AVEN: variants seen among roughly 807,000 people sequenced by gnomAD.
The protein encoded by AVEN is cell death regulator Aven.
AVEN carries 41 observed loss-of-function variants against 38.1 expected under a neutral mutation model. The observed-to-expected ratio is 1.08, with a 90% confidence interval of 0.84 to 1.40. The LOEUF (loss-of-function observed/expected upper bound fraction) is 1.40, where lower values mean the gene tolerates loss of function less well. Among genes scored for constraint, AVEN ranks in the 40% most tolerant of loss-of-function variants. The pLI is 0.00. For missense variants in AVEN, 605 were observed against 438.8 expected, an observed-to-expected ratio of 1.38 and a Z score of -3.38; for synonymous variants, 206 against 171.8, an observed-to-expected ratio of 1.20 and a Z score of -1.56.
chr15:33,981,549 T>C (rs956284549), intron 2 of AVEN, among the ~76,000 whole-genome samples: 5 of 152,188 alleles, frequency 3.3e-5, no homozygotes, highest in African/African-American at 1.2e-4. Context: ...GCTCATTTTC[T>C]ATACAATACA....
chr15:33,883,979 G>C (rs1891597025), intron 2 of AVEN, among the ~76,000 whole-genome samples: 1 of 152,082 alleles, frequency 6.6e-6, no homozygotes, highest in African/African-American at 2.4e-5. Flanking sequence ...CCATTTAATG[G>C]CTAGACACCT....
chr15:34,007,571 T>A (rs935144196), intron 1 of AVEN, among the ~76,000 whole-genome samples: 2 of 152,178 alleles, frequency 1.3e-5, no homozygotes, highest in Non-Finnish European at 2.9e-5. Context: ...GCTGCTTCTA[T>A]CATGCACCTT....
intron 2 of AVEN, among the ~76,000 whole-genome samples, chr15:33,905,219 C>CA (rs71117198): frequency 0.87 from 131,267 of 150,360 alleles, 58,892 homozygotes; most frequent in Non-Finnish European, 0.98. Flanking sequence ...AACAAACAAA[C>CA]AAAAAAACCC....
At chr15:33,914,619 T>C (rs1433891454) in intron 2 of AVEN, among the ~76,000 whole-genome samples, 4 of 149,746 alleles carry the variant, frequency 2.7e-5, no homozygotes, top group East Asian at 1.9e-4. Flanking sequence ...AGTTATAGGA[T>C]TGAACACACA....
At chr15:34,009,929 T>C (rs1469879942) in intron 1 of AVEN, among the ~76,000 whole-genome samples, 3 of 152,074 alleles carry the variant, frequency 2.0e-5, no homozygotes, top group African/African-American at 7.2e-5. Flanking sequence ...GACACTGTAC[T>C]CCAGCCTGGG....
chr15:33,890,085 T>TA (rs1891872172), intron 2 of AVEN, among the ~76,000 whole-genome samples: 1 of 152,246 alleles, frequency 6.6e-6, no homozygotes, highest in African/African-American at 2.4e-5. Context: ...GCATCACTGA[T>TA]AGTGTCTAGG....
chr15:34,038,788 T>G lies in AVEN; in HGVS notation c.259A>C (p.Ser87Arg). The change falls in exon 1 of 6, where the codon AGC (serine) becomes CGC (arginine). Residue 87 changes from serine to arginine, a missense_variant. Physicochemically the swap from Ser to Arg is moderately radical, Grantham distance 110. Coordinates refer to ENST00000306730, the MANE Select transcript of AVEN (RefSeq NM_020371.3). ...REPGGWGAGA[S>R]APVEDDSDAE... ...CAGCCGTCGCCTCTTACCGGCGCGCTGGCCCCTGCGCCCCAGCCTCCCGGC... is the reference window on the plus strand; with the variant it reads ...CAGCCGTCGCCTCTTACCGGCGCGCGGGCCCCTGCGCCCCAGCCTCCCGGC... The G allele has an allele frequency of 8.5e-7, 1 of 1,181,808 alleles. No individual in the cohort carries two copies. Among genetic ancestry groups the G allele is most frequent in the Non-Finnish European group, 1.0e-6 (1 of 956,194 alleles). 73.2% of individuals were successfully genotyped at this position (1,181,808 alleles called of 1,614,324 possible).
chr15:33,860,822 G>C (rs1291952959), intron 11 of AVEN, among the ~76,000 whole-genome samples: 2 of 150,874 alleles, frequency 1.3e-5, no homozygotes, highest in Non-Finnish European at 2.9e-5. Flanking sequence ...CCCCTGCCAG[G>C]CCGGCCACTC....
intron 2 of AVEN, among the ~76,000 whole-genome samples, chr15:33,982,881 G>C (rs1005783081): frequency 3.3e-5 from 5 of 151,972 alleles, no homozygotes; most frequent in African/African-American, 1.2e-4. Context: ...CAACTTCTGA[G>C]GGAGATCAGT....
At chr15:33,966,538 G>A (rs1216424551) in intron 2 of AVEN, among the ~76,000 whole-genome samples, 4 of 152,124 alleles carry the variant, frequency 2.6e-5, no homozygotes, top group South Asian at 2.1e-4. Flanking sequence ...ATGGGAGCAC[G>A]GTCCTCAGCA....
chr15:33,946,453 G>A (rs1894511602), intron 2 of AVEN, among the ~76,000 whole-genome samples: 1 of 152,142 alleles, frequency 6.6e-6, no homozygotes, highest in Non-Finnish European at 1.5e-5. Context: ...TGATAATCGG[G>A]CAAGCAATTC....
chr15:33,987,242 T>C (rs1434544501), intron 2 of AVEN, among the ~76,000 whole-genome samples: 2 of 152,254 alleles, frequency 1.3e-5, no homozygotes, highest in African/African-American at 4.8e-5. Context: ...ATCCCATATG[T>C]GCTTTATTCT....
At chr15:33,983,955 C>A (rs1896308721) in intron 2 of AVEN, among the ~76,000 whole-genome samples, 1 of 150,230 alleles carries the variant, frequency 6.7e-6, no homozygotes. Context: ...CAGAAAAACC[C>A]AAATTAAGGG....
intron 2 of AVEN, among the ~76,000 whole-genome samples, chr15:34,002,267 A>G (rs1272790937): frequency 6.6e-6 from 1 of 152,232 alleles, no homozygotes; most frequent in African/African-American, 2.4e-5. Context: ...GATACTAATC[A>G]GTGTCAGCAT....
At chr15:33,854,992 T>G (rs2153001543), downstream of AVEN, 1 of 1,342,400 alleles carries the variant, frequency 7.4e-7, no homozygotes, top group Non-Finnish European at 9.9e-7. Flanking sequence ...ATACAGTATA[T>G]GACAGGAAGG....
chr15:33,898,490 A>G (rs4267279), intron 2 of AVEN, among the ~76,000 whole-genome samples: 80,798 of 151,874 alleles, frequency 0.53, 24,014 homozygotes, highest in Non-Finnish European at 0.66. Flanking sequence ...CCTAGCATCT[A>G]GCCTTGCTAG....
intron 2 of AVEN, among the ~76,000 whole-genome samples, chr15:33,934,343 C>A (rs1893982346): frequency 6.6e-6 from 1 of 152,130 alleles, no homozygotes; most frequent in South Asian, 2.1e-4. Context: ...CTGAGTGACA[C>A]AATGAAACCT....
chr15:34,012,664 T>C (rs1432584974), intron 1 of AVEN, among the ~76,000 whole-genome samples: 2 of 152,212 alleles, frequency 1.3e-5, no homozygotes, highest in Non-Finnish European at 1.5e-5. Flanking sequence ...CATTCCACTT[T>C]CCAGAAAAAT....
At chr15:34,052,935 G>T (rs1359789836) in intron 5 of AVEN, among the ~76,000 whole-genome samples, 1 of 152,084 alleles carries the variant, frequency 6.6e-6, no homozygotes, top group Non-Finnish European at 1.5e-5. Flanking sequence ...GTAGTTTATA[G>T]ATTCAATGCT....
Sources: gnomAD v4.1 joint callset for allele counts (sites outside exome capture counted in the v4.1 genomes callset) on GRCh38, gnomAD v4.1.1 for gene constraint, MANE v1.5 for transcripts, NCBI Gene and HGNC (gene_info 2026-07-23, HGNC 2026-07-21) for gene names.